The following POLR2D variants were observed in gnomAD, a reference collection of about 807,000 sequenced individuals.
POLR2D encodes the protein DNA-directed RNA polymerase II subunit RPB4.
In POLR2D, 10 loss-of-function variants were observed where a neutral mutation model predicts 17.6. That is an observed-to-expected ratio of 0.57 (90% CI 0.35 to 0.96). POLR2D has a LOEUF of 0.96. POLR2D is among the 40% of genes least tolerant of loss of function. The pLI, the probability that POLR2D is intolerant of heterozygous loss-of-function variation, is 0.02. For synonymous variants in POLR2D, 52 were observed against 60.2 expected (o/e 0.86, Z 0.63); for missense variants, 126 against 176.4 (o/e 0.71, Z 1.62).
chr2:127,850,101 C>T (rs1391761258), intron 3 of POLR2D, among the ~76,000 whole-genome samples: 1 of 152,048 alleles, frequency 6.6e-6, no homozygotes, highest in African/African-American at 2.4e-5. Context: ...CATATTTTTG[C>T]TATCACTTGG....
At chr2:127,850,462 A>AAAAAAAAAAAAAAAAAAAAAT (rs1690233968) in intron 3 of POLR2D, 128 bp downstream of exon 3, 1 of 399,234 alleles carries the variant, frequency 2.5e-6, no homozygotes, top group African/African-American at 2.2e-5. Flanking sequence ...AAAAAAAAAA[A>AAAAAAAAAAAAAAAAAAAAAT]AAGGCACTTT....
At position 127,847,098 on chromosome 2, in the gene POLR2D, G is replaced by T. The variant is rs1416606607; in HGVS notation, c.*1009C>A. 1.3e-5 allele frequency: 2 copies of T among 152,538 alleles called. No individual in the cohort carries two copies. Among genetic ancestry groups the T allele is most frequent in the Non-Finnish European group, 2.9e-5 (2 of 68,054 alleles). 9.4% of individuals were successfully genotyped at this position (152,538 alleles called of 1,614,324 possible). Reference sequence around the variant, plus strand: ...CTTCTTTGTTATCTTGGAGGTGCAGGCCCAAGAAAGATGAAGTAAAAATCT... The same window carrying T: ...CTTCTTTGTTATCTTGGAGGTGCAGTCCCAAGAAAGATGAAGTAAAAATCT... On this transcript the variant is annotated 3_prime_UTR_variant, in exon 4 of 4. Transcript: ENST00000272645.
chr2:127,853,532 C>T (rs1006811778), intron 1 of POLR2D, among the ~76,000 whole-genome samples: 1 of 152,084 alleles, frequency 6.6e-6, no homozygotes, highest in African/African-American at 2.4e-5. Flanking sequence ...ATCCATGTTG[C>T]TGCAAAAGAT....
rs41544312 is a variant in POLR2D, at chr2:127,848,235, C to G, written c.351-50G>C. 4.9e-6 allele frequency: 6 copies of G among 1,219,428 alleles called. No individual in the cohort carries two copies. In the African/African-American group the frequency reaches 5.9e-5, roughly 12 times the overall value. 75.5% of individuals were successfully genotyped at this position (1,219,428 alleles called of 1,614,324 possible). On this transcript the variant is annotated intron_variant, in intron 3 of 3. Transcript: ENST00000272645. ...GTGATTTGGCGACTGGCAATTTCCC[C>G]GCACTCTTCTTTGAGGCGTGCTAAT...
At chr2:127,848,223 T>G in intron 3 of POLR2D, 38 bp from the exon 4 acceptor site, 1 of 1,379,058 alleles carries the variant, frequency 7.3e-7, no homozygotes, top group Non-Finnish European at 1.0e-6. Context: ...ATTTGGCGAC[T>G]GGCAATTTCC....
In POLR2D at chr2:127,845,517, A is replaced by C. The variant is rs1051686045; in HGVS notation, c.*2590T>G. 4 of 151,910 alleles carry C rather than the reference A, an allele frequency of 2.6e-5. No individual in the cohort carries two copies. Among genetic ancestry groups the C allele is most frequent in the African/African-American group, 7.3e-5 (3 of 41,272 alleles). 9.4% of individuals were successfully genotyped at this position (151,910 alleles called of 1,614,324 possible). On this transcript the variant is annotated 3_prime_UTR_variant, in exon 4 of 4. Transcript: ENST00000272645. ...CAGCCTCCAGAGTAGCTGAGATTAC[A>C]GGCATGCGCCACCACGCCCCGCTAA...
chr2:127,855,015 A>G (rs1304314380), intron 1 of POLR2D, among the ~76,000 whole-genome samples: 1 of 151,914 alleles, frequency 6.6e-6, no homozygotes, highest in Non-Finnish European at 1.5e-5. Context: ...AAAAAAAAAA[A>G]AAAAAAGGGA....
chr2:127,853,154 T>C (rs751928640), intron 1 of POLR2D, 49 bp from the exon 2 acceptor site: 17 of 1,470,992 alleles, frequency 1.2e-5, no homozygotes, highest in African/African-American at 2.8e-5. Flanking sequence ...CTTCAAAAGT[T>C]TGCTTCTAAA....
chr2:127,857,451 CA>C (rs1690356474), intron 1 of POLR2D, among the ~76,000 whole-genome samples: 1 of 152,190 alleles, frequency 6.6e-6, no homozygotes, highest in South Asian at 2.1e-4. Flanking sequence ...TCAAGGCTGC[CA>C]AAATAATTTG....
chr2:127,845,323 T>A lies in POLR2D; in HGVS notation c.*2784A>T, dbSNP rs1381245406. ...TGCCCAAGAATGACATGCAAATTCA[T>A]CAAGCATTAAAAAACGAAAGTTAAC... is the stretch of plus-strand genomic sequence containing the variant. On this transcript the variant is annotated 3_prime_UTR_variant, in exon 4 of 4. Transcript: ENST00000272645. 6.8e-6 allele frequency: 1 copy of A among 147,218 alleles called. No homozygotes were observed. The highest frequency in any genetic ancestry group is 1.5e-5 in the Non-Finnish European group (1 of 67,286). The allele number at this position is 147,218 out of a possible 1,614,324, so 9.1% of individuals were successfully genotyped here.
At chr2:127,855,065 T>C (rs1017161929) in intron 1 of POLR2D, among the ~76,000 whole-genome samples, 4 of 151,220 alleles carry the variant, frequency 2.6e-5, no homozygotes, top group African/African-American at 7.3e-5. Context: ...TGTTGGAACT[T>C]TGATGCTTTT....
At position 127,858,154 on chromosome 2, in the gene POLR2D, G is replaced by A. The variant is rs777645737; in HGVS notation, c.-54C>T. The A allele has an allele frequency of 4.1e-5, 55 of 1,331,576 alleles. No homozygotes were observed. Among genetic ancestry groups the A allele is most frequent in the Non-Finnish European group, 5.0e-5 (51 of 1,022,076 alleles). The allele number at this position is 1,331,576 out of a possible 1,614,324, so 82.5% of individuals were successfully genotyped here. A position where few individuals can be genotyped will look rare whatever the true frequency, so the allele number is the denominator to read the frequency against. On this transcript the variant is annotated 5_prime_UTR_variant, in exon 1 of 4. Coordinates refer to ENST00000272645, the MANE Select transcript of POLR2D (RefSeq NM_004805.4). ...GCGCCGCCGGAAGCAGAAGCGCGGAGCAACGGCCGCGGAAGGGGCGTGGTC... is the reference window on the plus strand; with the variant it reads ...GCGCCGCCGGAAGCAGAAGCGCGGAACAACGGCCGCGGAAGGGGCGTGGTC...
Position 127,858,089 on chromosome 2 carries a change from ACCCGCCGCCATCGC to A in POLR2D, c.-3_11del. On this transcript the variant is annotated start_lost and 5_prime_UTR_variant, in exon 1 of 4. Transcript: ENST00000272645. ...CGTCGCCAGCCCGCGGATCGCTGCC[ACCCGCCGCCATCGC>A]CGCGCCGCGCCGCGCGCCACCACCA... 1 of 1,509,394 alleles carries A rather than the reference ACCCGCCGCCATCGC, an allele frequency of 6.6e-7. No individual in the cohort carries two copies. Among genetic ancestry groups the A allele is most frequent in the African/African-American group, 1.4e-5 (1 of 69,006 alleles). 93.5% of individuals were successfully genotyped at this position (1,509,394 alleles called of 1,614,324 possible). A position where few individuals can be genotyped will look rare whatever the true frequency, so the allele number is the denominator to read the frequency against.
At chr2:127,850,707 A>G in intron 2 of POLR2D, 22 bp from the exon 3 acceptor site, 1 of 1,152,066 alleles carries the variant, frequency 8.7e-7, no homozygotes, top group Non-Finnish European at 1.3e-6. Context: ...GAAAAAAAAA[A>G]AATCAAAATA....
rs946248220 is a variant in POLR2D, at chr2:127,857,120, C to T, written c.73+908G>A. The T allele has an allele frequency of 2.0e-5, 3 of 152,270 alleles. No homozygotes were observed. In the South Asian group the frequency reaches 6.2e-4, roughly 32 times the overall value. 9.4% of individuals were successfully genotyped at this position (152,270 alleles called of 1,614,324 possible). ...TTAAGCCCAGGAGTTTGAGACCAGC[C>T]TGGGCGACATAGTGAGACCCTGTCT... is the stretch of plus-strand genomic sequence containing the variant. On this transcript the variant is annotated intron_variant, in intron 1 of 3. Transcript: ENST00000272645.
chr2:127,858,006 G>A (rs1053570338), intron 1 of POLR2D, 22 bp downstream of exon 1: 1 of 1,576,694 alleles, frequency 6.3e-7, no homozygotes. Flanking sequence ...GCGCGGGGGA[G>A]TCTGGCAGCC....
In POLR2D at chr2:127,853,559, A is replaced by ATT. The variant is rs113011842; in HGVS notation, c.74-456_74-455dup. Among the ~76,000 whole-genome samples the ATT allele has an allele frequency of 1.3e-4, 20 of 148,956 alleles. No individual in the cohort carries two copies. In the South Asian group the frequency reaches 1.5e-3, roughly 11 times the overall value. Reference sequence around the variant, plus strand: ...GCAAAAGATATGATTTCGTTCTTTTATTTTTTTTTTTGAGACAGAGTCTCA... The same window carrying ATT: ...GCAAAAGATATGATTTCGTTCTTTTATTTTTTTTTTTTTGAGACAGAGTCTCA... On this transcript the variant is annotated intron_variant, in intron 1 of 3. Transcript: ENST00000272645.
chr2:127,850,192 G>A (rs759318128), intron 3 of POLR2D, among the ~76,000 whole-genome samples: 33 of 152,110 alleles, frequency 2.2e-4, no homozygotes, highest in Non-Finnish European at 3.4e-4. Context: ...TGTAATCCCA[G>A]CACTCTGGGA....
At chr2:127,855,820 C>T (rs1284740926) in intron 1 of POLR2D, among the ~76,000 whole-genome samples, 1 of 152,216 alleles carries the variant, frequency 6.6e-6, no homozygotes, top group Non-Finnish European at 1.5e-5. Context: ...CACACACACA[C>T]ACAATTTATT....
Sources: gnomAD v4.1 joint callset for allele counts (sites outside exome capture counted in the v4.1 genomes callset) on GRCh38, gnomAD v4.1.1 for gene constraint, MANE v1.5 for transcripts, NCBI Gene and HGNC (gene_info 2026-07-23, HGNC 2026-07-21) for gene names.